Variants in IL5RA observed in about 807,000 individuals in gnomAD.
The protein encoded by IL5RA is interleukin-5 receptor subunit alpha.
IL5RA carries 49 observed loss-of-function variants against 50.0 expected under a neutral mutation model. The observed-to-expected ratio is 0.98, with a 90% CI of 0.78 to 1.24. The LOEUF (loss-of-function observed/expected upper bound fraction) is 1.24, where lower values mean the gene tolerates loss of function less well. Among genes scored for constraint, IL5RA ranks in the 50% most tolerant of loss-of-function variants. The pLI is 0.00. For synonymous variants in IL5RA, 202 were observed against 174.0 expected, an observed-to-expected ratio of 1.16 and a Z score of -1.26; for missense variants, 600 against 500.4, an observed-to-expected ratio of 1.20 and a Z score of -1.90.
intron 9 of IL5RA, 121 bp from the exon 10 acceptor site, chr3:3,076,748 T>G (rs1574977516): frequency 1.7e-6 from 1 of 590,782 alleles, no homozygotes. Context: ...TGCTGGGTGG[T>G]GTTGGGCAAG....
At chr3:3,087,595 A>T (rs186333335) in intron 9 of IL5RA, among the ~76,000 whole-genome samples, 1 of 151,444 alleles carries the variant, frequency 6.6e-6, no homozygotes, top group East Asian at 2.0e-4. Context: ...CTGCTGAGTC[A>T]TTTAGTATCT....
intron 9 of IL5RA, among the ~76,000 whole-genome samples, chr3:3,086,792 T>C (rs549696849): frequency 1.1e-4 from 17 of 152,294 alleles, no homozygotes; most frequent in African/African-American, 3.4e-4. Flanking sequence ...CATTCACAAT[T>C]GCAAAGATAT....
At chr3:3,100,466 A>G (rs1030232704) in intron 5 of IL5RA, among the ~76,000 whole-genome samples, 1 of 152,186 alleles carries the variant, frequency 6.6e-6, no homozygotes, top group Non-Finnish European at 1.5e-5. Context: ...TTACTTTTGC[A>G]CCAACCTAAT....
chr3:3,080,583 G>T (rs555761116), intron 9 of IL5RA, among the ~76,000 whole-genome samples: 8 of 152,326 alleles, frequency 5.3e-5, no homozygotes, highest in Middle Eastern at 3.4e-3. Context: ...AAGGCTAAGT[G>T]TGCAGGCAGC....
At chr3:3,076,040 C>G (rs1011773355) in intron 10 of IL5RA, among the ~76,000 whole-genome samples, 1 of 152,118 alleles carries the variant, frequency 6.6e-6, no homozygotes, top group Non-Finnish European at 1.5e-5. Context: ...GGATAGGATA[C>G]CAGATCCACA....
Position 3,092,690 on chromosome 3 carries a change from C to G in IL5RA, c.856-328G>C, listed in dbSNP as rs1248575378. 6.6e-6 allele frequency among the ~76,000 whole-genome samples: 1 copy of G among 152,210 alleles called. No individual in the cohort carries two copies. The highest frequency in any genetic ancestry group is 1.5e-5 in the Non-Finnish European group (1 of 68,036). On this transcript the variant is annotated intron_variant, in intron 8 of 11. Transcript: ENST00000446632. This position sits in a 1 kb window ranked among gnomAD's most constrained non-coding sequence, Gnocchi z 4.2. ...AGAATGCATTATTCCCTCACCTTGT[C>G]TCTCCATAATCTATAGTCACATTAC...
rs185737032 is a variant in IL5RA at position 3,104,643 on chromosome 3, C to T, written c.82+260G>A. Among the ~76,000 whole-genome samples the T allele has an allele frequency of 4.6e-4, 70 of 152,260 alleles. 1 individual carries two copies. Among genetic ancestry groups the T allele is most frequent in the Admixed American group, 2.7e-3 (41 of 15,298 alleles). On this transcript the variant is annotated intron_variant, in intron 3 of 11. Coordinates refer to ENST00000446632, the MANE Select transcript of IL5RA (RefSeq NM_175726.4). ...AAGACATTCCAAATGCGACCACTGG[C>T]GCCAGCTTTATTCCATGGTGCCCGG...
At chr3:3,090,756 G>T (rs1703060863) in intron 9 of IL5RA, among the ~76,000 whole-genome samples, 2 of 151,720 alleles carry the variant, frequency 1.3e-5, no homozygotes, top group Admixed American at 6.6e-5. Flanking sequence ...GTATTTTTTA[G>T]TAGAGACAGG....
intron 3 of IL5RA, among the ~76,000 whole-genome samples, chr3:3,104,346 A>G (rs1434861151): frequency 1.3e-5 from 2 of 152,140 alleles, no homozygotes; most frequent in Non-Finnish European, 2.9e-5. Context: ...GCCTAAACTA[A>G]TTTAAATTCA....
chr3:3,109,184 A>G (rs780180917), intron 1 of IL5RA, among the ~76,000 whole-genome samples: 1 of 151,890 alleles, frequency 6.6e-6, no homozygotes, highest in Non-Finnish European at 1.5e-5. Flanking sequence ...TTCTGTCTAC[A>G]TGGAAATATG....
At position 3,068,842 on chromosome 3, in the gene IL5RA, TA is replaced by T. The variant is rs1300904009; in HGVS notation, c.*1382del. ...CTCTGAACCTTAGTAACTGCAACTA[TA>T]AAATGGGACAGTAATACAGATTACT... On this transcript the variant is annotated 3_prime_UTR_variant, in exon 12 of 12. Coordinates refer to ENST00000446632, the MANE Select transcript of IL5RA (RefSeq NM_175726.4). 2 of 152,072 alleles carry T rather than the reference TA, an allele frequency of 1.3e-5. No individual in the cohort carries two copies. Among genetic ancestry groups the T allele is most frequent in the Non-Finnish European group, 2.9e-5 (2 of 68,032 alleles). 9.4% of individuals were successfully genotyped at this position (152,072 alleles called of 1,614,324 possible). A position where few individuals can be genotyped will look rare whatever the true frequency, so the allele number is the denominator to read the frequency against.
chr3:3,084,935 T>G (rs1702796337), intron 9 of IL5RA, among the ~76,000 whole-genome samples: 1 of 152,268 alleles, frequency 6.6e-6, no homozygotes, highest in South Asian at 2.1e-4. Flanking sequence ...GCAGAATGTA[T>G]GCCTAGAAGG....
intron 4 of IL5RA, among the ~76,000 whole-genome samples, chr3:3,102,297 G>C (rs1703689640): frequency 1.3e-5 from 2 of 152,188 alleles, no homozygotes; most frequent in Admixed American, 1.3e-4. Context: ...ACTGGGTTTT[G>C]AACTTAGTTT....
Position 3,070,125 on chromosome 3 carries a change from C to A in IL5RA, c.*100G>T. The A allele has an allele frequency of 1.3e-6, 1 of 746,714 alleles. No individual in the cohort carries two copies. Among genetic ancestry groups the A allele is most frequent in the South Asian group, 1.7e-5 (1 of 59,596 alleles). 46.3% of individuals were successfully genotyped at this position (746,714 alleles called of 1,614,324 possible). ...GCTTCGCAGGTAAATTGAGTGTTGC[C>A]TAAATTCTGAACACCTCTTAGCCAA... On this transcript the variant is annotated 3_prime_UTR_variant, in exon 12 of 12. Coordinates refer to ENST00000446632, the MANE Select transcript of IL5RA (RefSeq NM_175726.4).
chr3:3,097,841 A>G lies in IL5RA; in HGVS notation c.709+29T>C, dbSNP rs760937380. Reference sequence around the variant, plus strand: ...AGTGCTGAGATTCCGAGATTCAGTTATTTCAGCTTTGGGTTAAGTCGGTCT... The same window carrying G: ...AGTGCTGAGATTCCGAGATTCAGTTGTTTCAGCTTTGGGTTAAGTCGGTCT... On this transcript the variant is annotated intron_variant, in intron 7 of 11. Transcript: ENST00000446632. The G allele has an allele frequency of 5.0e-6, 8 of 1,592,924 alleles. No individual in the cohort carries two copies. In the South Asian group the frequency reaches 9.0e-5, roughly 18 times the overall value.
At chr3:3,108,192 G>C (rs1367051328) in intron 2 of IL5RA, among the ~76,000 whole-genome samples, 1 of 151,978 alleles carries the variant, frequency 6.6e-6, no homozygotes, top group Non-Finnish European at 1.5e-5. Context: ...ATAAACCAAG[G>C]TATAAACTGC....
At position 3,109,141 on chromosome 3, in the gene IL5RA, T is replaced by C. The variant is rs17884679; in HGVS notation, c.-145-450A>G. ...ATATTCTCGCTCTGTCTCTCCTTTT[T>C]CCCCCTTTTTTTTGGTTCCATTTCA... On this transcript the variant is annotated intron_variant, in intron 1 of 11. Coordinates refer to ENST00000446632, the MANE Select transcript of IL5RA (RefSeq NM_175726.4). 6.2e-3 allele frequency among the ~76,000 whole-genome samples: 934 copies of C among 149,936 alleles called. 10 individuals are homozygous for C. The highest frequency in any genetic ancestry group is 0.022 in the African/African-American group (892 of 41,370).
At chr3:3,106,063 G>A (rs17879465) in intron 2 of IL5RA, among the ~76,000 whole-genome samples, 2,391 of 152,176 alleles carry the variant, frequency 0.016, 37 homozygotes, top group Admixed American at 0.034. Flanking sequence ...TTCCATGGAC[G>A]TTATTCCTAC....
chr3:3,100,053 A>G lies in IL5RA; in HGVS notation c.367+1639T>C, dbSNP rs551764091. ...ACTAGAAAGGCTTGTTTTCATTTCA[A>G]CCTCTCGTTGCTGTATTAACTGTTG... is the stretch of plus-strand genomic sequence containing the variant. On this transcript the variant is annotated intron_variant, in intron 5 of 11. Transcript: ENST00000446632. Among the ~76,000 whole-genome samples, 191 of 152,262 alleles carry G rather than the reference A, an allele frequency of 1.3e-3. 2 individuals are homozygous for G. The highest frequency in any genetic ancestry group is 6.8e-3 in the Middle Eastern group (2 of 294).
Sources: gnomAD v4.1 joint callset for allele counts (sites outside exome capture counted in the v4.1 genomes callset) on GRCh38, gnomAD v4.1.1 for gene constraint, Gnocchi (gnomAD v3.1) non-coding constraint, MANE v1.5 for transcripts, NCBI Gene and HGNC (gene_info 2026-07-23, HGNC 2026-07-21) for gene names.